MYO3B: variants seen among roughly 807,000 people sequenced by gnomAD.
MYO3B encodes the protein myosin-IIIb.
Under a neutral mutation model 174.6 loss-of-function variants are expected in MYO3B, and 156 were observed. The observed-to-expected ratio is 0.89, with a 90% CI of 0.78 to 1.02. The LOEUF (loss-of-function observed/expected upper bound fraction) is 1.02. Ranked by LOEUF, MYO3B falls within the 50% of genes least tolerant of loss-of-function variation. The probability of loss-of-function intolerance (pLI) is 0.00; values close to 1 mark genes in which losing one functional copy is unlikely to be tolerated. For missense variants in MYO3B, 1,632 were observed against 1,639.4 expected, an observed-to-expected ratio of 1.00 and a Z score of 0.08; for synonymous variants, 563 against 569.1, an observed-to-expected ratio of 0.99 and a Z score of 0.15.
intron 7 of MYO3B, among the ~76,000 whole-genome samples, chr2:170,326,424 G>A (rs2105509980): frequency 6.6e-6 from 1 of 152,326 alleles, no homozygotes; most frequent in East Asian, 1.9e-4. Context: ...AGGGTCGTTA[G>A]CCAGTCCTGG....
chr2:170,556,145 G>A (rs973058978), intron 32 of MYO3B, among the ~76,000 whole-genome samples: 5 of 151,366 alleles, frequency 3.3e-5, no homozygotes, highest in Non-Finnish European at 5.9e-5. Flanking sequence ...GCAGTGAGCC[G>A]AGATCACGCC....
chr2:170,608,567 T>C (rs1241892662), intron 32 of MYO3B, among the ~76,000 whole-genome samples: 1 of 152,022 alleles, frequency 6.6e-6, no homozygotes, highest in East Asian at 1.9e-4. Context: ...ACATGTCCTT[T>C]GCATAGATGT....
At chr2:170,538,971 A>C (rs986678603) in intron 30 of MYO3B, among the ~76,000 whole-genome samples, 1 of 152,190 alleles carries the variant, frequency 6.6e-6, no homozygotes, top group African/African-American at 2.4e-5. Flanking sequence ...GATTCAGAAA[A>C]CAATATCACA....
At position 170,545,473 on chromosome 2, in the gene MYO3B, C is replaced by G. The variant is rs16858711; in HGVS notation, c.3733+1485C>G. On this transcript the variant is annotated intron_variant, in intron 32 of 34. Coordinates refer to ENST00000408978, the MANE Select transcript of MYO3B (RefSeq NM_138995.5). Reference sequence around the variant, plus strand: ...GTTATTGACATTATATAAATGCAAACGTAATCTATGAACATGAATACTAGG... The same window carrying G: ...GTTATTGACATTATATAAATGCAAAGGTAATCTATGAACATGAATACTAGG... Among the ~76,000 whole-genome samples the G allele has an allele frequency of 0.029, 4,367 of 152,192 alleles. 558 individuals carry two copies. In the East Asian group the frequency reaches 0.44, roughly 15 times the overall value.
chr2:170,264,612 C>A (rs552392397), intron 7 of MYO3B, among the ~76,000 whole-genome samples: 1 of 152,294 alleles, frequency 6.6e-6, no homozygotes, highest in Admixed American at 6.5e-5. Flanking sequence ...TATGTGAACT[C>A]TTCTAGCTGA....
chr2:170,580,718 A>ATGTGTGTG (rs59092368), intron 32 of MYO3B, among the ~76,000 whole-genome samples: 3,833 of 142,716 alleles, frequency 0.027, 77 homozygotes, highest in African/African-American at 0.05. Context: ...AACCTTATAT[A>ATGTGTGTG]TGTGTGTGTG....
chr2:170,393,885 G>A (rs1300583147), intron 16 of MYO3B, among the ~76,000 whole-genome samples: 1 of 152,028 alleles, frequency 6.6e-6, no homozygotes, highest in East Asian at 1.9e-4. Flanking sequence ...CAATTAAACA[G>A]GTTCTAGCAT....
At position 170,230,174 on chromosome 2, in the gene MYO3B, G is replaced by GT. The variant is rs1175614525; in HGVS notation, c.604-5805dup. 7.4e-3 allele frequency among the ~76,000 whole-genome samples: 953 copies of GT among 128,036 alleles called. 5 individuals carry two copies. The highest frequency in any genetic ancestry group is 0.014 in the African/African-American group (496 of 34,598). The allele number at this position is 128,036 out of a possible 152,430, so 84.0% of individuals were successfully genotyped here. Reference sequence around the variant, plus strand: ...TCATGGGGACCTAGTTTTTTTTTTTGTTTTTTTTTTTTCGAGACAGAGTCT... The same window carrying GT: ...TCATGGGGACCTAGTTTTTTTTTTTGTTTTTTTTTTTTTCGAGACAGAGTCT... On this transcript the variant is annotated intron_variant, in intron 6 of 34. Transcript: ENST00000408978.
chr2:170,203,505 G>C (rs1444932462), intron 3 of MYO3B, among the ~76,000 whole-genome samples: 1 of 138,054 alleles, frequency 7.2e-6, no homozygotes, highest in Non-Finnish European at 1.5e-5. Flanking sequence ...CGGCGGGGGG[G>C]GGAGGGAGGG....
chr2:170,214,949 TCAAACA>T (rs2092811847), intron 5 of MYO3B, 121 bp downstream of exon 5: 4 of 710,248 alleles, frequency 5.6e-6, no homozygotes, highest in Non-Finnish European at 9.7e-6. Context: ...ACTTTTCCAG[TCAAACA>T]CAAGCTGGAG....
chr2:170,328,853 C>G (rs1236225308), intron 7 of MYO3B, among the ~76,000 whole-genome samples: 2 of 151,800 alleles, frequency 1.3e-5, no homozygotes, highest in Non-Finnish European at 2.9e-5. Flanking sequence ...ATTATACTCT[C>G]AACTATATTA....
chr2:170,513,359 C>T (rs1056598836), intron 28 of MYO3B, among the ~76,000 whole-genome samples: 14 of 152,224 alleles, frequency 9.2e-5, no homozygotes, highest in Admixed American at 4.6e-4. Context: ...TTCCAAGTCT[C>T]TCTCCAGTCT....
chr2:170,482,041 A>G (rs1246564011), intron 25 of MYO3B, among the ~76,000 whole-genome samples: 1 of 152,088 alleles, frequency 6.6e-6, no homozygotes, highest in Non-Finnish European at 1.5e-5. Flanking sequence ...GAGGAATGCA[A>G]TGGGAGGTAA....
intron 32 of MYO3B, among the ~76,000 whole-genome samples, chr2:170,650,939 C>CCCAAAGTGCTGGGATTACAGACGTGAG (rs527426740): frequency 0.12 from 17,738 of 151,542 alleles, 1,198 homozygotes; most frequent in African/African-American, 0.15. Context: ...GCCTCAGCCT[C>CCCAAAGTGCTGGGATTACAGACGTGAG]CCACTGCGCC....
rs1575106921 is a variant in MYO3B, at chr2:170,518,411, A to G, written c.3473-1027A>G. Reference sequence around the variant, plus strand: ...AAATAAGGATGGCAAATAGGTGTGCAGTCTCCTTCCAACCCTAACTGATGG... The same window carrying G: ...AAATAAGGATGGCAAATAGGTGTGCGGTCTCCTTCCAACCCTAACTGATGG... On this transcript the variant is annotated intron_variant, in intron 29 of 34. Transcript: ENST00000408978. Among the ~76,000 whole-genome samples, 3 of 152,198 alleles carry G rather than the reference A, an allele frequency of 2.0e-5. No individual in the cohort carries two copies. In the East Asian group the frequency reaches 5.8e-4, roughly 29 times the overall value.
At position 170,572,635 on chromosome 2, in the gene MYO3B, T is replaced by G. The variant is rs978137350; in HGVS notation, c.3733+28647T>G. Among the ~76,000 whole-genome samples the G allele has an allele frequency of 1.0e-4, 15 of 147,646 alleles. 1 individual carries two copies. In the East Asian group the frequency reaches 3.0e-3, roughly 30 times the overall value. On this transcript the variant is annotated intron_variant, in intron 32 of 34. Transcript: ENST00000408978. ...AAAAAAAAAAAAAAAGGTAAGGACC[T>G]CCTCCTCCTCCCACCAACAGCATAT... is the stretch of plus-strand genomic sequence containing the variant.
At position 170,653,767 on chromosome 2, in the gene MYO3B, C is replaced by A. The variant is rs1575355773; in HGVS notation, c.*646C>A. ...CTTGTTAATTATGATGCTGAGAAAG[C>A]CTCTGTCTCTTTATTTCACCTTGCC... is the stretch of plus-strand genomic sequence containing the variant. On this transcript the variant is annotated 3_prime_UTR_variant, in exon 35 of 35. Coordinates refer to ENST00000408978, the MANE Select transcript of MYO3B (RefSeq NM_138995.5). 6.6e-6 allele frequency: 1 copy of A among 152,216 alleles called. No homozygotes were observed. The highest frequency in any genetic ancestry group is 1.5e-5 in the Non-Finnish European group (1 of 68,040). The allele number at this position is 152,216 out of a possible 1,614,324, so 9.4% of individuals were successfully genotyped here.
At chr2:170,519,757 G>C in intron 30 of MYO3B, 1 of 424,834 alleles carries the variant, frequency 2.4e-6, no homozygotes, top group Non-Finnish European at 4.4e-6. Context: ...TGGATCACCT[G>C]AGGTCAGGAG....
intron 8 of MYO3B, among the ~76,000 whole-genome samples, chr2:170,354,798 C>T (rs1181719077): frequency 6.6e-6 from 1 of 152,122 alleles, no homozygotes; most frequent in Non-Finnish European, 1.5e-5. Context: ...TGGAGCTGTT[C>T]TGCTCCATCT....
Sources: allele counts gnomAD v4.1 joint callset (sites outside exome capture counted in the v4.1 genomes callset), GRCh38; gene constraint gnomAD v4.1.1; transcripts MANE v1.5; gene names NCBI Gene and HGNC (gene_info 2026-07-23, HGNC 2026-07-21).